Variants in ASB15 observed in about 807,000 individuals in gnomAD.
ASB15 encodes ankyrin repeat and SOCS box containing 15, also known as ankyrin repeat and SOCS box protein 15.
In ASB15, 54 loss-of-function variants were observed where a neutral mutation model predicts 58.0. That is an observed-to-expected ratio of 0.93 (90% confidence interval 0.75 to 1.17). ASB15 has a LOEUF of 1.17. ASB15 is among the 50% of genes most tolerant of loss of function. The pLI, the probability that ASB15 is intolerant of heterozygous loss-of-function variation, is 0.00. For synonymous variants in ASB15, 249 were observed against 262.4 expected, an observed-to-expected ratio of 0.95 and a Z score of 0.50; for missense variants, 680 against 707.4, an observed-to-expected ratio of 0.96 and a Z score of 0.44.
intron 1 of ASB15, among the ~76,000 whole-genome samples, chr7:123,579,419 C>A (rs1044386724): frequency 2.0e-5 from 3 of 152,062 alleles, no homozygotes; most frequent in African/African-American, 7.2e-5. Flanking sequence ...GTAGAGGTTA[C>A]AATAGTTATA....
chr7:123,618,614 C>G (rs6973716), intron 7 of ASB15, among the ~76,000 whole-genome samples: 34,889 of 151,376 alleles, frequency 0.23, 4,199 homozygotes, highest in East Asian at 0.28. Context: ...GAGGAGGAGA[C>G]GGAAGAGGAG....
intron 1 of ASB15, among the ~76,000 whole-genome samples, chr7:123,592,281 C>A (rs901696986): frequency 2.0e-5 from 3 of 151,162 alleles, no homozygotes; most frequent in African/African-American, 7.3e-5. Flanking sequence ...GTGTCTCTGT[C>A]TCATTCAGTT....
At chr7:123,597,922 G>GTGTGTGTA (rs1554387407), upstream of ASB15, among the ~76,000 whole-genome samples, 24,825 of 117,116 alleles carry the variant, frequency 0.21, 2,225 homozygotes, top group East Asian at 0.4. Flanking sequence ...AACTTCGTGT[G>GTGTGTGTA]TGTGTGTGTG....
At chr7:123,592,752 G>A (rs574276306) in intron 1 of ASB15, among the ~76,000 whole-genome samples, 68 of 152,268 alleles carry the variant, frequency 4.5e-4, no homozygotes, top group African/African-American at 1.6e-3. Context: ...TGAGAAGAAT[G>A]TATATTCTGT....
At chr7:123,568,524 G>GAA (rs986950221) in intron 1 of ASB15, among the ~76,000 whole-genome samples, 7 of 87,602 alleles carry the variant, frequency 8.0e-5, no homozygotes, top group Admixed American at 1.2e-4. Context: ...TCCATCTCAA[G>GAA]AAAAAAAAAA....
intron 3 of ASB15, among the ~76,000 whole-genome samples, chr7:123,609,678 T>C (rs1439500258): frequency 1.3e-5 from 2 of 152,158 alleles, no homozygotes; most frequent in Non-Finnish European, 2.9e-5. Flanking sequence ...AGGAAGAAAG[T>C]TGTATTCGTC....
chr7:123,575,840 C>G (rs1799049373), intron 1 of ASB15, among the ~76,000 whole-genome samples: 1 of 145,362 alleles, frequency 6.9e-6, no homozygotes, highest in East Asian at 2.0e-4. Flanking sequence ...TTGAAATCCA[C>G]TGACACTCCT....
intron 1 of ASB15, among the ~76,000 whole-genome samples, chr7:123,574,408 C>A (rs114112161): frequency 0.017 from 2,545 of 152,196 alleles, 64 homozygotes; most frequent in African/African-American, 0.057. Flanking sequence ...CAGCTAAAGC[C>A]TCCCTGATCC....
At chr7:123,618,979 G>T (rs1389761538) in intron 7 of ASB15, among the ~76,000 whole-genome samples, 4 of 152,012 alleles carry the variant, frequency 2.6e-5, no homozygotes, top group Admixed American at 1.3e-4. Context: ...TTCAAGACCA[G>T]CCTGGCCAGC....
At chr7:123,586,553 A>T (rs1799379407) in intron 1 of ASB15, among the ~76,000 whole-genome samples, 1 of 151,590 alleles carries the variant, frequency 6.6e-6, no homozygotes, top group Non-Finnish European at 1.5e-5. Flanking sequence ...AACTTTTAAA[A>T]TTTGATTTGC....
At chr7:123,595,234 T>C (rs1799661397) in intron 1 of ASB15, among the ~76,000 whole-genome samples, 1 of 152,200 alleles carries the variant, frequency 6.6e-6, no homozygotes, top group East Asian at 1.9e-4. Flanking sequence ...TTCATGTGCT[T>C]GTAATAAAAC....
chr7:123,634,456 G>A (rs1408335491), intron 11 of ASB15, among the ~76,000 whole-genome samples: 1 of 152,154 alleles, frequency 6.6e-6, no homozygotes, highest in African/African-American at 2.4e-5. Context: ...TATCCTTGAT[G>A]GGCATTTAGG....
Position 123,628,972 on chromosome 7 carries a change from G to A in ASB15, c.978G>A (p.Leu326=), listed in dbSNP as rs1300629888. Residue 326 remains leucine, a synonymous_variant, in exon 10 of 12, where the codon CTG becomes CTA. Transcript: ENST00000451215. The part of the protein sequence containing the change: ...ADGQNAQCLE[L]LIENGFDVNT... ...GACAAAATGCACAGTGTCTAGAACTGCTCATTGAAAATGGTTTTGATGTCA... is the reference window on the plus strand; with the variant it reads ...GACAAAATGCACAGTGTCTAGAACTACTCATTGAAAATGGTTTTGATGTCA... 5.6e-6 allele frequency: 9 copies of A among 1,612,768 alleles called. No homozygotes were observed. Among genetic ancestry groups the A allele is most frequent in the Non-Finnish European group, 7.6e-6 (9 of 1,178,956 alleles).
intron 1 of ASB15, among the ~76,000 whole-genome samples, chr7:123,595,656 C>G (rs1280776297): frequency 1.3e-5 from 2 of 152,206 alleles, no homozygotes; most frequent in African/African-American, 4.8e-5. Context: ...AGCATAATAC[C>G]TGGCATTGCA....
chr7:123,606,808 TC>T (rs1800168252), intron 2 of ASB15, among the ~76,000 whole-genome samples: 2 of 152,304 alleles, frequency 1.3e-5, no homozygotes, highest in South Asian at 4.1e-4. Flanking sequence ...AGGTTAATAG[TC>T]CATTGTAAAT....
At chr7:123,612,540 G>A (rs1483240832) in intron 3 of ASB15, 1 of 152,140 alleles carries the variant, frequency 6.6e-6, no homozygotes, top group Non-Finnish European at 1.5e-5. Context: ...GTTTATATAG[G>A]AGGAATGTCT....
chr7:123,627,147 G>A lies in ASB15; in HGVS notation c.735G>A (p.Ser245=), dbSNP rs201426063. 65 of 1,613,720 alleles carry A rather than the reference G, an allele frequency of 4.0e-5. 1 individual carries two copies. Among genetic ancestry groups the A allele is most frequent in the Middle Eastern group, 1.6e-4 (1 of 6,082 alleles). ...DVLALADDGA[S]VLFEAAGGGN... ...TTGCTTTGGCGGATGATGGGGCGTC[G>A]GTGCTGTTTGAGGCAGCAGGAGGTG... The change falls in exon 9 of 12, where the codon TCG becomes TCA. Residue 245 remains serine, a synonymous_variant. Coordinates refer to ENST00000451215, the MANE Select transcript of ASB15 (RefSeq NM_001290258.2).
chr7:123,569,157 G>A (rs1215744898), intron 1 of ASB15, among the ~76,000 whole-genome samples: 1 of 152,114 alleles, frequency 6.6e-6, no homozygotes, highest in Non-Finnish European at 1.5e-5. Flanking sequence ...AACTAGACTG[G>A]CCGTTCTCAA....
At chr7:123,636,781 T>G in intron 11 of ASB15, 28 bp from the exon 12 acceptor site, 2 of 1,576,158 alleles carry the variant, frequency 1.3e-6, no homozygotes, top group Non-Finnish European at 1.7e-6. Flanking sequence ...TAAAAAATTT[T>G]TTTGCTTATT....
Sources: gnomAD v4.1 joint callset for allele counts (sites outside exome capture counted in the v4.1 genomes callset) on GRCh38, gnomAD v4.1.1 for gene constraint, MANE v1.5 for transcripts, NCBI Gene and HGNC (gene_info 2026-07-23, HGNC 2026-07-21) for gene names.